The following PALLD variants were observed in gnomAD, a reference collection of about 807,000 sequenced individuals.
The protein encoded by PALLD is palladin.
In PALLD, 61 loss-of-function variants were observed where a neutral mutation model predicts 123.5. The observed-to-expected ratio is 0.49, with a 90% CI of 0.40 to 0.61. PALLD has a LOEUF of 0.61. Among genes scored for constraint, PALLD ranks in the 20% least tolerant of loss-of-function variants. The probability of loss-of-function intolerance (pLI) is 0.00; values close to 1 mark genes in which losing one functional copy is unlikely to be tolerated. For synonymous variants in PALLD, 465 were observed against 496.4 expected (o/e 0.94, Z 0.84); for missense variants, 1,273 against 1,377.0 (o/e 0.92, Z 1.20).
intron 1 of PALLD, among the ~76,000 whole-genome samples, chr4:168,510,223 G>A (rs1762408652): frequency 1.3e-5 from 2 of 152,142 alleles, no homozygotes; most frequent in Admixed American, 1.3e-4. Context: ...AGGAGTCATT[G>A]CTTCACAATA....
chr4:168,822,286 G>T (rs1167942160), intron 10 of PALLD, among the ~76,000 whole-genome samples: 2 of 151,866 alleles, frequency 1.3e-5, no homozygotes. Context: ...TTGGGGAGGG[G>T]GTGGGGTGGG....
intron 10 of PALLD, among the ~76,000 whole-genome samples, chr4:168,770,625 CCCT>C (rs1272999368): frequency 6.6e-6 from 1 of 152,204 alleles, no homozygotes; most frequent in Non-Finnish European, 1.5e-5. Context: ...AATTGTTCTA[CCCT>C]CTCCAAAGTC....
chr4:168,813,157 C>T (rs575549616), intron 10 of PALLD, among the ~76,000 whole-genome samples: 1 of 152,026 alleles, frequency 6.6e-6, no homozygotes, highest in Admixed American at 6.6e-5. Context: ...GTTTAATGAC[C>T]GAGGTGATGT....
Position 168,706,161 on chromosome 4 carries a change from TC to T in PALLD, c.1502-2865del, listed in dbSNP as rs1295537186. On this transcript the variant is annotated intron_variant, in intron 8 of 21. Transcript: ENST00000505667. ...ATGCCCACTGAACAGCAACTGCCATTCCTCCTTGCCCCCAATGCTTGGCAGC... is the reference window on the plus strand; with the variant it reads ...ATGCCCACTGAACAGCAACTGCCATTCTCCTTGCCCCCAATGCTTGGCAGC... 3.9e-5 allele frequency among the ~76,000 whole-genome samples: 6 copies of T among 152,264 alleles called. No individual in the cohort carries two copies. The East Asian group carries it at 1.2e-3, about 29-fold the overall frequency.
At chr4:168,851,365 T>TTTTTG (rs1223427124) in intron 10 of PALLD, among the ~76,000 whole-genome samples, 6 of 152,072 alleles carry the variant, frequency 3.9e-5, no homozygotes, top group East Asian at 1.9e-4. Context: ...CCAAACCTGT[T>TTTTTG]TTTTGTTTTG....
At chr4:168,708,569 C>CT (rs1160837937) in intron 8 of PALLD, among the ~76,000 whole-genome samples, 1 of 152,140 alleles carries the variant, frequency 6.6e-6, no homozygotes, top group Non-Finnish European at 1.5e-5. Context: ...AGGTCATGTT[C>CT]TTTTTTCCCC....
chr4:168,692,251 G>C (rs1782703557), intron 8 of PALLD, among the ~76,000 whole-genome samples: 1 of 152,110 alleles, frequency 6.6e-6, no homozygotes, highest in South Asian at 2.1e-4. Flanking sequence ...CTGTGTACTG[G>C]ATCTTTAAAA....
rs1560872419 is a variant in PALLD at position 168,894,612 on chromosome 4, C to G, written c.2134C>G (p.Leu712Val). 6.2e-7 allele frequency: 1 copy of G among 1,613,534 alleles called. No homozygotes were observed. The change falls in exon 12 of 22, where the codon CTG becomes GTG. Residue 712 changes from leucine (L) to valine (V), a missense_variant. Around this residue, in one of 2 missense-constraint regions of PALLD, gnomAD observed 944 missense variants for 954.5 expected, o/e 0.99. Coordinates refer to ENST00000505667, the MANE Select transcript of PALLD (RefSeq NM_001166108.2). Reference protein sequence around the residue: ...LTYEERMARRLLGADSATVFN... With the variant: ...LTYEERMARRVLGADSATVFN... ...ATACGAAGAAAGAATGGCTCGTCGACTGCTAGGTGCTGACAGTGCAACTGT... is the reference window on the plus strand; with the variant it reads ...ATACGAAGAAAGAATGGCTCGTCGAGTGCTAGGTGCTGACAGTGCAACTGT...
At chr4:168,699,653 T>G (rs1783487578) in intron 8 of PALLD, among the ~76,000 whole-genome samples, 1 of 152,138 alleles carries the variant, frequency 6.6e-6, no homozygotes, top group African/African-American at 2.4e-5. Flanking sequence ...CAAAATGGTT[T>G]TTATTTGTAT....
At chr4:168,624,391 T>A (rs764327552) in intron 2 of PALLD, among the ~76,000 whole-genome samples, 1 of 152,288 alleles carries the variant, frequency 6.6e-6, no homozygotes, top group South Asian at 2.1e-4. Context: ...TACTCACACC[T>A]GATCCACCCC....
At chr4:168,627,242 G>A (rs1775386371) in intron 2 of PALLD, among the ~76,000 whole-genome samples, 1 of 152,174 alleles carries the variant, frequency 6.6e-6, no homozygotes, top group Non-Finnish European at 1.5e-5. Context: ...AGGCACGGTG[G>A]CTCATGCCTC....
chr4:168,878,145 C>G, intron 10 of PALLD: 1 of 1,488,934 alleles, frequency 6.7e-7, no homozygotes, highest in East Asian at 2.8e-5. Flanking sequence ...GGCTCCTCCT[C>G]GCCGTCGCCC....
intron 2 of PALLD, among the ~76,000 whole-genome samples, chr4:168,582,416 C>T (rs1250963633): frequency 2.0e-5 from 3 of 152,018 alleles, no homozygotes; most frequent in African/African-American, 4.8e-5. Context: ...TGAACAGAGA[C>T]TATTTGACTT....
At chr4:168,926,134 T>G (rs1184440465) in intron 21 of PALLD, 79 bp from the exon 22 acceptor site, 8 of 1,192,626 alleles carry the variant, frequency 6.7e-6, no homozygotes, top group Non-Finnish European at 1.1e-6. Flanking sequence ...ATCTAGACAT[T>G]CTGTATTTAT....
chr4:168,811,776 TCACACACACACACACACA>T (rs58914714), intron 10 of PALLD, among the ~76,000 whole-genome samples: 1 of 143,636 alleles, frequency 7.0e-6, no homozygotes, highest in Non-Finnish European at 1.5e-5. Flanking sequence ...TCTCTCTCTC[TCACACACACACACACACA>T]CACACACACA....
rs1487357262 is a variant in PALLD, at chr4:168,648,111, TA to T, written c.909-20076del. ...TGACTCCTGGTTTGTCTGCTTCTTA[TA>T]AAGAGATAGTATGCTCCAGAGAGCA... On this transcript the variant is annotated intron_variant, in intron 2 of 21. Transcript: ENST00000505667. The T allele has an allele frequency of 2.0e-5, 3 of 152,216 alleles. No homozygotes were observed. In the East Asian group the frequency reaches 5.8e-4, roughly 29 times the overall value. The allele number at this position is 152,216 out of a possible 1,614,324, so 9.4% of individuals were successfully genotyped here.
rs1467646705 is a variant in PALLD, at chr4:168,711,623, A to G, written c.1664A>G (p.Asn555Ser). The G allele has an allele frequency of 1.2e-6, 2 of 1,614,058 alleles. No homozygotes were observed. The highest frequency in any genetic ancestry group is 1.7e-6 in the Non-Finnish European group (2 of 1,180,022). ...NCSYESMGES[N>S]NDHFQHFPPP... is the part of the protein sequence containing the mutation. The stretch of plus-strand genomic sequence containing the variant: ...AGTTACGAGTCAATGGGAGAATCCA[A>G]CAATGACCACTTCCAACACTTTCCA... The change falls in exon 10 of 22, where the codon AAC becomes AGC. Residue 555 changes from asparagine (N) to serine (S), a missense_variant. Physicochemically the swap from Asn to Ser is conservative, Grantham distance 46. Transcript: ENST00000505667.
At chr4:168,513,840 C>T (rs550590915) in intron 2 of PALLD, among the ~76,000 whole-genome samples, 2 of 152,266 alleles carry the variant, frequency 1.3e-5, no homozygotes, top group African/African-American at 4.8e-5. Flanking sequence ...CACAGTGGCT[C>T]ATGCCTGTAA....
chr4:168,542,143 A>C (rs1298743614), intron 2 of PALLD, among the ~76,000 whole-genome samples: 2 of 152,268 alleles, frequency 1.3e-5, no homozygotes, highest in East Asian at 3.9e-4. Context: ...AAGTGAGAAA[A>C]CTGAGGCACA....
Sources: allele counts gnomAD v4.1 joint callset (sites outside exome capture counted in the v4.1 genomes callset), GRCh38; gene constraint gnomAD v4.1.1; regional missense constraint gnomAD v4.1.1; transcripts MANE v1.5; gene names NCBI Gene and HGNC (gene_info 2026-07-23, HGNC 2026-07-21).